PFDN1: variants seen among roughly 807,000 people sequenced by gnomAD.
PFDN1 encodes the protein prefoldin subunit 1, also known as prefoldin 1.
A neutral mutation model predicts 17.3 loss-of-function variants in PFDN1; 6 were observed. The observed-to-expected ratio is 0.35, with a 90% CI of 0.19 to 0.69. PFDN1 has a LOEUF of 0.69. PFDN1 is among the 30% of genes least tolerant of loss of function. PFDN1 has a pLI of 0.65. For missense variants in PFDN1, 113 were observed against 146.2 expected (o/e 0.77, Z 1.17); for synonymous variants, 58 against 50.1 (o/e 1.16, Z -0.67).
chr5:140,287,858 G>C (rs188330934), intron 2 of PFDN1, among the ~76,000 whole-genome samples: 2 of 152,176 alleles, frequency 1.3e-5, no homozygotes, highest in South Asian at 4.1e-4. Flanking sequence ...TATGTTATTA[G>C]GGAACTATAA....
At chr5:140,271,852 G>A (rs1765209717) in intron 3 of PFDN1, among the ~76,000 whole-genome samples, 1 of 151,070 alleles carries the variant, frequency 6.6e-6, no homozygotes. Context: ...AAAGAAGTGA[G>A]GCAAAAAAAT....
chr5:140,277,226 CAAA>C (rs796127129), intron 3 of PFDN1, among the ~76,000 whole-genome samples: 1 of 97,822 alleles, frequency 1.0e-5, no homozygotes. Flanking sequence ...AACTCCGTCT[CAAA>C]AAAAAAAAAA....
intron 3 of PFDN1, 62 bp downstream of exon 3, chr5:140,281,387 A>G: frequency 2.7e-6 from 2 of 736,732 alleles, no homozygotes. Context: ...TTCATTTAAT[A>G]TGACACAATA....
chr5:140,268,982 G>A (rs910039480), intron 3 of PFDN1, among the ~76,000 whole-genome samples: 1 of 152,142 alleles, frequency 6.6e-6, no homozygotes, highest in Non-Finnish European at 1.5e-5. Context: ...CTTCATTTTA[G>A]CTTCAAAATA....
chr5:140,273,635 C>T (rs902460538), intron 3 of PFDN1, among the ~76,000 whole-genome samples: 1 of 152,014 alleles, frequency 6.6e-6, no homozygotes, highest in Admixed American at 6.6e-5. Context: ...AGAGTTGGGA[C>T]TTTAAACGTC....
chr5:140,262,210 G>T (rs1005960320), intron 3 of PFDN1, among the ~76,000 whole-genome samples: 1 of 152,136 alleles, frequency 6.6e-6, no homozygotes, highest in Non-Finnish European at 1.5e-5. Context: ...CTCAGAGCTG[G>T]TATTCGGGGG....
chr5:140,278,060 C>T (rs1413837298), intron 3 of PFDN1, among the ~76,000 whole-genome samples: 1 of 151,554 alleles, frequency 6.6e-6, no homozygotes, highest in Non-Finnish European at 1.5e-5. Context: ...ACTAAAGATA[C>T]AAAAAGTAGC....
rs116549822 is a variant in PFDN1, at chr5:140,248,495, C to T, written c.286-2438G>A. Among the ~76,000 whole-genome samples, 543 of 152,330 alleles carry T rather than the reference C, an allele frequency of 3.6e-3. 2 individuals carry two copies. The highest frequency in any genetic ancestry group is 0.012 in the African/African-American group (496 of 41,580). On this transcript the variant is annotated intron_variant, in intron 3 of 3. Transcript: ENST00000261813. ...AGGGGAGCAATAGCTCGGTGCCATA[C>T]ACCACCTGGGCACCCTGTGGACCCC...
At chr5:140,287,381 C>T (rs1358638484) in intron 2 of PFDN1, among the ~76,000 whole-genome samples, 2 of 152,198 alleles carry the variant, frequency 1.3e-5, no homozygotes, top group Non-Finnish European at 1.5e-5. Flanking sequence ...TATGTACATA[C>T]ACATGAATTA....
intron 2 of PFDN1, among the ~76,000 whole-genome samples, chr5:140,291,950 G>A (rs1012461250): frequency 2.0e-5 from 3 of 152,098 alleles, no homozygotes; most frequent in African/African-American, 7.2e-5. Flanking sequence ...TCCCATACAA[G>A]CGTTCCTTGT....
At chr5:140,268,170 A>C (rs1055492674) in intron 3 of PFDN1, among the ~76,000 whole-genome samples, 2 of 152,244 alleles carry the variant, frequency 1.3e-5, no homozygotes. Context: ...ATAATTAGCA[A>C]AACAGCATTG....
Position 140,245,179 on chromosome 5 carries a change from G to A in PFDN1, c.*795C>T. The A allele has an allele frequency of 6.7e-6, 2 of 298,322 alleles. No individual in the cohort carries two copies. 18.5% of individuals were successfully genotyped at this position (298,322 alleles called of 1,614,324 possible). ...GCTTGCAACAAAATTCTTGAAAATTGAATAATTGGCCCACCTGGGCTGGGA... is the reference window on the plus strand; with the variant it reads ...GCTTGCAACAAAATTCTTGAAAATTAAATAATTGGCCCACCTGGGCTGGGA... On this transcript the variant is annotated 3_prime_UTR_variant, in exon 4 of 4. Transcript: ENST00000261813.
chr5:140,262,710 C>T (rs1765081913), intron 3 of PFDN1, among the ~76,000 whole-genome samples: 1 of 152,006 alleles, frequency 6.6e-6, no homozygotes, highest in Non-Finnish European at 1.5e-5. Context: ...ATAGCTGTTG[C>T]TTCTGGTGAA....
chr5:140,246,049 C>CT lies in PFDN1; in HGVS notation c.293dup (p.Ser99ValfsTer8), dbSNP rs758695613. 6.4e-7 allele frequency: 1 copy of CT among 1,554,412 alleles called. No individual in the cohort carries two copies. Among genetic ancestry groups the CT allele is most frequent in the South Asian group, 1.2e-5 (1 of 84,504 alleles). ...CCTTAACGCTTCGCTCCAGGTAGGA[C>CT]TTTTTCTGCTGCAATATGAGAGACA... On this transcript the variant is annotated frameshift_variant, in exon 4 of 4. Coordinates refer to ENST00000261813, the MANE Select transcript of PFDN1 (RefSeq NM_002622.5). LOFTEE classifies it high-confidence loss of function.
At chr5:140,267,426 C>T (rs1765148104) in intron 3 of PFDN1, among the ~76,000 whole-genome samples, 3 of 152,168 alleles carry the variant, frequency 2.0e-5, no homozygotes, top group Non-Finnish European at 2.9e-5. Flanking sequence ...CCGCTGAATC[C>T]GAGCATGCTC....
chr5:140,271,943 ATATATACATAATATATATATT>A (rs1404235036), intron 3 of PFDN1, among the ~76,000 whole-genome samples: 2 of 148,786 alleles, frequency 1.3e-5, no homozygotes, highest in Non-Finnish European at 3.0e-5. Flanking sequence ...CATAAAATAC[ATATATACATAATATATATATT>A]TATATACATA....
rs1764812423 is a variant in PFDN1 at position 140,245,298 on chromosome 5, C to T, written c.*676G>A. 3 of 601,372 alleles carry T rather than the reference C, an allele frequency of 5.0e-6. No individual in the cohort carries two copies. In the East Asian group the frequency reaches 8.5e-5, roughly 17 times the overall value. 37.3% of individuals were successfully genotyped at this position (601,372 alleles called of 1,614,324 possible). A position where few individuals can be genotyped will look rare whatever the true frequency, so the allele number is the denominator to read the frequency against. On this transcript the variant is annotated 3_prime_UTR_variant, in exon 4 of 4. Coordinates refer to ENST00000261813, the MANE Select transcript of PFDN1 (RefSeq NM_002622.5). ...ATGATATTGGCCAAAAGGAGACAGTCTTGGAGGTGCTGCTTACTGTTGAAC... is the reference window on the plus strand; with the variant it reads ...ATGATATTGGCCAAAAGGAGACAGTTTTGGAGGTGCTGCTTACTGTTGAAC...
chr5:140,252,573 A>G (rs1360842035), intron 3 of PFDN1, among the ~76,000 whole-genome samples: 1 of 152,210 alleles, frequency 6.6e-6, no homozygotes, highest in Non-Finnish European at 1.5e-5. Flanking sequence ...CATGACTTCC[A>G]AATTAAAAAC....
intron 2 of PFDN1, among the ~76,000 whole-genome samples, chr5:140,295,010 A>T (rs1048248834): frequency 1.3e-5 from 2 of 152,038 alleles, no homozygotes; most frequent in South Asian, 2.1e-4. Context: ...TTCAAGTTTT[A>T]AAAAGGCACT....
Sources: allele counts gnomAD v4.1 joint callset (sites outside exome capture counted in the v4.1 genomes callset), GRCh38; gene constraint gnomAD v4.1.1; transcripts MANE v1.5; gene names NCBI Gene and HGNC (gene_info 2026-07-23, HGNC 2026-07-21).